NIM1K: variants seen among roughly 807,000 people sequenced by gnomAD.
The protein encoded by NIM1K is serine/threonine-protein kinase NIM1.
A neutral mutation model predicts 37.1 loss-of-function variants in NIM1K; 35 were observed. The ratio of observed to expected loss-of-function variants is 0.94; its 90% CI spans 0.72 to 1.25. The LOEUF (loss-of-function observed/expected upper bound fraction) is 1.25, where lower values mean the gene tolerates loss of function less well. NIM1K is among the 50% of genes most tolerant of loss of function. NIM1K has a pLI of 0.00. For synonymous variants in NIM1K, 234 were observed against 206.6 expected, an observed-to-expected ratio of 1.13 and a Z score of -1.14; for missense variants, 564 against 548.0, an observed-to-expected ratio of 1.03 and a Z score of -0.29.
At chr5:43,220,804 TATGACAC>T (rs1308767165) in intron 1 of NIM1K, among the ~76,000 whole-genome samples, 1 of 152,210 alleles carries the variant, frequency 6.6e-6, no homozygotes, top group Non-Finnish European at 1.5e-5. Context: ...ATGTTAAAAA[TATGACAC>T]ATAGTTATAA....
chr5:43,265,576 C>T (rs904833242), intron 2 of NIM1K, among the ~76,000 whole-genome samples: 11 of 152,160 alleles, frequency 7.2e-5, no homozygotes, highest in Admixed American at 2.0e-4. Flanking sequence ...CCTCCTTTAG[C>T]TTGGAGAAGT....
chr5:43,272,402 T>G (rs1459981352), intron 2 of NIM1K, among the ~76,000 whole-genome samples: 1 of 152,046 alleles, frequency 6.6e-6, no homozygotes, highest in African/African-American at 2.4e-5. Flanking sequence ...ACCTGATATT[T>G]TCTATCTGCC....
At chr5:43,224,972 G>A (rs906527397) in intron 1 of NIM1K, among the ~76,000 whole-genome samples, 1 of 152,110 alleles carries the variant, frequency 6.6e-6, no homozygotes, top group East Asian at 1.9e-4. Flanking sequence ...GGGATTACAG[G>A]CCTAAGCCAT....
chr5:43,239,927 T>C (rs1290727192), intron 1 of NIM1K, among the ~76,000 whole-genome samples: 1 of 152,108 alleles, frequency 6.6e-6, no homozygotes, highest in Non-Finnish European at 1.5e-5. Flanking sequence ...CTGAATTATC[T>C]TTTTATTTTA....
chr5:43,273,849 G>A (rs906854230), intron 2 of NIM1K, among the ~76,000 whole-genome samples: 6 of 152,126 alleles, frequency 3.9e-5, no homozygotes, highest in Admixed American at 1.3e-4. Context: ...TTCTTAATAG[G>A]TGCTATGCTT....
intron 1 of NIM1K, among the ~76,000 whole-genome samples, chr5:43,211,243 G>C (rs896509486): frequency 6.6e-6 from 1 of 152,028 alleles, no homozygotes; most frequent in African/African-American, 2.4e-5. Context: ...ATTATGGGAG[G>C]GGGGTGGAAA....
chr5:43,243,327 G>C (rs1050860972), intron 1 of NIM1K, among the ~76,000 whole-genome samples: 2 of 152,104 alleles, frequency 1.3e-5, no homozygotes, highest in Admixed American at 6.6e-5. Flanking sequence ...GTCATAAGCT[G>C]CATGGTGTTT....
intron 1 of NIM1K, among the ~76,000 whole-genome samples, chr5:43,230,898 A>G (rs1579968843): frequency 6.6e-6 from 1 of 152,390 alleles, no homozygotes; most frequent in African/African-American, 2.4e-5. Context: ...GCATATGCAC[A>G]TGGTCTGTCC....
chr5:43,278,875 G>A (rs888663397), intron 3 of NIM1K, among the ~76,000 whole-genome samples: 9 of 152,204 alleles, frequency 5.9e-5, no homozygotes, highest in African/African-American at 2.2e-4. Flanking sequence ...GGATGTTTCA[G>A]ACCTGTGATA....
intron 1 of NIM1K, chr5:43,232,525 G>C (rs576577498): frequency 1.1e-5 from 18 of 1,572,172 alleles, no homozygotes; most frequent in Non-Finnish European, 1.6e-5. Flanking sequence ...CAGTATCAAG[G>C]TTCTATGCCA....
At chr5:43,210,288 TA>T (rs1752184979) in intron 1 of NIM1K, among the ~76,000 whole-genome samples, 2 of 152,224 alleles carry the variant, frequency 1.3e-5, no homozygotes, top group African/African-American at 4.8e-5. Flanking sequence ...GGAATAAAAT[TA>T]ATCTCTTGTA....
chr5:43,223,464 G>T (rs1295223440), intron 1 of NIM1K, among the ~76,000 whole-genome samples: 1 of 152,162 alleles, frequency 6.6e-6, no homozygotes, highest in African/African-American at 2.4e-5. Flanking sequence ...GGCCAGAATA[G>T]TTCATTGAGA....
chr5:43,236,099 A>C (rs1174405373), intron 1 of NIM1K, among the ~76,000 whole-genome samples: 3 of 151,908 alleles, frequency 2.0e-5, no homozygotes, highest in Non-Finnish European at 4.4e-5. Flanking sequence ...ACATGGCAAA[A>C]CCCTGTCTTT....
Position 43,207,201 on chromosome 5 carries a change from CAG to C in NIM1K, c.-695+14795_-695+14796del. ...ATCCTGAGTGGGGATGTTAATTTGG[CAG>C]AGAGTGATTTGGCATATACCTGGGA... On this transcript the variant is annotated intron_variant, in intron 1 of 3. Transcript: ENST00000326035. 5.4e-6 allele frequency: 4 copies of C among 745,564 alleles called. No individual in the cohort carries two copies. In the South Asian group the frequency reaches 5.5e-5, roughly 10 times the overall value. The allele number at this position is 745,564 out of a possible 1,614,324, so 46.2% of individuals were successfully genotyped here.
chr5:43,210,870 A>G (rs1735043703), intron 1 of NIM1K, among the ~76,000 whole-genome samples: 1 of 152,206 alleles, frequency 6.6e-6, no homozygotes, highest in Non-Finnish European at 1.5e-5. Flanking sequence ...TTGATGTTAC[A>G]GAAAGAATGG....
chr5:43,235,633 A>C (rs1752609288), intron 1 of NIM1K, among the ~76,000 whole-genome samples: 1 of 152,246 alleles, frequency 6.6e-6, no homozygotes, highest in Admixed American at 6.5e-5. Flanking sequence ...TAGAGTCATA[A>C]GGAAAATGTC....
intron 2 of NIM1K, among the ~76,000 whole-genome samples, chr5:43,257,827 A>T (rs892546590): frequency 6.6e-6 from 1 of 151,148 alleles, no homozygotes; most frequent in African/African-American, 2.4e-5. Flanking sequence ...TGGGAGACTG[A>T]GCTGGGAGGA....
intron 1 of NIM1K, among the ~76,000 whole-genome samples, chr5:43,210,491 A>C (rs1230808176): frequency 6.6e-6 from 1 of 152,130 alleles, no homozygotes; most frequent in African/African-American, 2.4e-5. Context: ...TATACTACAG[A>C]GAGTCAATTA....
chr5:43,276,983 C>A, intron 2 of NIM1K, 74 bp from the exon 3 acceptor site: 1 of 1,449,442 alleles, frequency 6.9e-7, no homozygotes, highest in Non-Finnish European at 9.5e-7. Context: ...AGGAAAGGAG[C>A]TGATCCAGGT....
Sources: gnomAD v4.1 joint callset for allele counts (sites outside exome capture counted in the v4.1 genomes callset) on GRCh38, gnomAD v4.1.1 for gene constraint, MANE v1.5 for transcripts, NCBI Gene and HGNC (gene_info 2026-07-23, HGNC 2026-07-21) for gene names.